The following TBCD variants were observed in gnomAD, a reference collection of about 807,000 sequenced individuals.
TBCD encodes the protein tubulin folding cofactor D.
In TBCD, 105 loss-of-function variants were observed where a neutral mutation model predicts 169.3. The ratio of observed to expected loss-of-function variants is 0.62; its 90% CI spans 0.53 to 0.73. The LOEUF is 0.73. Ranked by LOEUF, TBCD falls within the 30% of genes least tolerant of loss-of-function variation. The pLI, the probability that TBCD is intolerant of heterozygous loss-of-function variation, is 0.00. For synonymous variants in TBCD, 700 were observed against 643.9 expected, an observed-to-expected ratio of 1.09 and a Z score of -1.32; for missense variants, 1,444 against 1,600.1, an observed-to-expected ratio of 0.90 and a Z score of 1.66.
intron 13 of TBCD, among the ~76,000 whole-genome samples, chr17:82,844,636 T>C (rs1310270307): frequency 6.6e-6 from 1 of 152,206 alleles, no homozygotes; most frequent in Non-Finnish European, 1.5e-5. Flanking sequence ...GTCCTGGTGC[T>C]GCCTTCCCTG....
At chr17:82,894,303 A>G (rs879687020) in intron 17 of TBCD, among the ~76,000 whole-genome samples, 2 of 152,170 alleles carry the variant, frequency 1.3e-5, no homozygotes, top group African/African-American at 2.4e-5. Flanking sequence ...AGAAATGTGA[A>G]AAAGGGTGTG....
At chr17:82,900,256 C>T (rs1376049416) in intron 17 of TBCD, among the ~76,000 whole-genome samples, 1 of 152,136 alleles carries the variant, frequency 6.6e-6, no homozygotes, top group Non-Finnish European at 1.5e-5. Context: ...GTTTTTTGCA[C>T]GTCCTTGAAT....
At chr17:82,812,452 C>T (rs1317828363) in intron 12 of TBCD, among the ~76,000 whole-genome samples, 1 of 152,138 alleles carries the variant, frequency 6.6e-6, no homozygotes, top group Non-Finnish European at 1.5e-5. Flanking sequence ...AAGACAGCCT[C>T]CCCAGACCCC....
intron 8 of TBCD, 54 bp from the exon 9 acceptor site, chr17:82,800,810 C>T (rs558116969): frequency 1.9e-6 from 3 of 1,564,574 alleles, no homozygotes; most frequent in South Asian, 1.2e-5. Flanking sequence ...ACAGGTGGTG[C>T]AGTCAGAAGA....
chr17:82,830,118 G>A, intron 13 of TBCD: 10 of 1,612,826 alleles, frequency 6.2e-6, no homozygotes, highest in Non-Finnish European at 8.5e-6. Context: ...CCGTAGCTCT[G>A]TGAACACACG....
At chr17:82,897,519 A>AC (rs1385481818) in intron 17 of TBCD, among the ~76,000 whole-genome samples, 2 of 46,482 alleles carry the variant, frequency 4.3e-5, no homozygotes, top group Non-Finnish European at 8.7e-5. Flanking sequence ...CTCCGTCTCA[A>AC]AAAAAAAAAA....
intron 22 of TBCD, among the ~76,000 whole-genome samples, chr17:82,909,818 G>A (rs544203252): frequency 6.6e-6 from 1 of 152,342 alleles, no homozygotes; most frequent in South Asian, 2.1e-4. Context: ...CAGGGGTGTG[G>A]CCTCCCCAAC....
intron 15 of TBCD, among the ~76,000 whole-genome samples, chr17:82,887,170 C>T (rs12601062): frequency 0.16 from 4,754 of 29,894 alleles, 118 homozygotes; most frequent in African/African-American, 0.28. Context: ...TGTGTGTGTG[C>T]GCGCGCGCGC....
At chr17:82,772,296 G>GTT (rs904299766) in intron 5 of TBCD, among the ~76,000 whole-genome samples, 156 bp from the exon 6 acceptor site, 1 of 151,456 alleles carries the variant, frequency 6.6e-6, no homozygotes, top group African/African-American at 2.4e-5. Flanking sequence ...TTGAAGAGAG[G>GTT]TTTTTTTTTG....
At chr17:82,891,202 G>T (rs1190985721) in intron 16 of TBCD, among the ~76,000 whole-genome samples, 2 of 152,276 alleles carry the variant, frequency 1.3e-5, no homozygotes, top group Non-Finnish European at 2.9e-5. Context: ...CTCCCTGTGT[G>T]TGTGGCTGGA....
intron 33 of TBCD, 72 bp from the exon 34 acceptor site, chr17:82,932,586 C>G (rs1035527379): frequency 7.1e-6 from 9 of 1,268,534 alleles, no homozygotes; most frequent in African/African-American, 4.4e-5. Context: ...ATCCTGCTGA[C>G]TCTCAGCCAT....
intron 13 of TBCD, among the ~76,000 whole-genome samples, chr17:82,837,604 A>G (rs752011872): frequency 3.3e-5 from 5 of 152,214 alleles, no homozygotes; most frequent in African/African-American, 4.8e-5. Context: ...TGAGAACTGC[A>G]GTGCTAGCGT....
chr17:82,841,507 C>T (rs527922533), intron 13 of TBCD, among the ~76,000 whole-genome samples: 2 of 152,038 alleles, frequency 1.3e-5, no homozygotes, highest in Admixed American at 1.3e-4. Context: ...CAGGGTTTTG[C>T]CATGTTTCCT....
chr17:82,826,188 GTTAT>G (rs1031393512), intron 13 of TBCD, among the ~76,000 whole-genome samples: 10 of 151,236 alleles, frequency 6.6e-5, no homozygotes, highest in Admixed American at 1.3e-4. Context: ...TAAGATGCTA[GTTAT>G]TTATTTATTT....
chr17:82,836,131 C>A lies in TBCD; in HGVS notation c.1318+21197C>A, dbSNP rs866213434. On this transcript the variant is annotated intron_variant, in intron 13 of 38. Transcript: ENST00000355528. The stretch of plus-strand genomic sequence containing the variant: ...TGAAATAATTCTTTATGGGCTCAGT[C>A]CCTACCGTGTGGGGCAGACCTGCTC... Among the ~76,000 whole-genome samples, 4 of 152,374 alleles carry A rather than the reference C, an allele frequency of 2.6e-5. No homozygotes were observed. The South Asian group carries it at 8.3e-4, about 32-fold the overall frequency.
rs189141642 is a variant in TBCD, at chr17:82,942,071, G to A, written c.3565-378G>A. On this transcript the variant is annotated intron_variant, in intron 38 of 38. Transcript: ENST00000355528. ...CATGTCTAGATACATGGGGGCAGTGGGGATGGGCTGAGCATCAGGACACAG... is the reference window on the plus strand; with the variant it reads ...CATGTCTAGATACATGGGGGCAGTGAGGATGGGCTGAGCATCAGGACACAG... 1.7e-3 allele frequency: 610 copies of A among 368,676 alleles called. 3 individuals carry two copies. The highest frequency in any genetic ancestry group is 0.012 in the African/African-American group (582 of 47,042). 22.8% of individuals were successfully genotyped at this position (368,676 alleles called of 1,614,324 possible). A position where few individuals can be genotyped will look rare whatever the true frequency, so the allele number is the denominator to read the frequency against.
At chr17:82,892,162 C>T (rs1380872897) in intron 16 of TBCD, among the ~76,000 whole-genome samples, 2 of 152,152 alleles carry the variant, frequency 1.3e-5, no homozygotes, top group Admixed American at 1.3e-4. Flanking sequence ...TTGCTTTGTT[C>T]TCACCGTGGG....
In TBCD at chr17:82,942,576, G is replaced by T; in HGVS notation, c.*113G>T. On this transcript the variant is annotated 3_prime_UTR_variant, in exon 39 of 39. Coordinates refer to ENST00000355528, the MANE Select transcript of TBCD (RefSeq NM_005993.5). ...GTGCCTCCAGCTGTTGAAGGGTAGC[G>T]CTGGCCCTTGGAGGCTGGCACTAGC... The T allele has an allele frequency of 6.8e-7, 1 of 1,472,924 alleles. No individual in the cohort carries two copies. The highest frequency in any genetic ancestry group is 9.4e-7 in the Non-Finnish European group (1 of 1,063,246). The allele number at this position is 1,472,924 out of a possible 1,614,324, so 91.2% of individuals were successfully genotyped here.
At chr17:82,853,987 A>G (rs902914280) in intron 13 of TBCD, among the ~76,000 whole-genome samples, 5 of 152,006 alleles carry the variant, frequency 3.3e-5, no homozygotes, top group Admixed American at 2.0e-4. Context: ...GGAATCATCT[A>G]TTCTGTTTCC....
Sources: gnomAD v4.1 joint callset for allele counts (sites outside exome capture counted in the v4.1 genomes callset) on GRCh38, gnomAD v4.1.1 for gene constraint, MANE v1.5 for transcripts, NCBI Gene and HGNC (gene_info 2026-07-23, HGNC 2026-07-21) for gene names.